The following LGALS2 variants were observed in gnomAD, a reference collection of about 807,000 sequenced individuals.
The protein encoded by LGALS2 is galectin-2.
Under a neutral mutation model 10.1 loss-of-function variants are expected in LGALS2, and 7 were observed. The observed-to-expected ratio is 0.70, with a 90% CI of 0.40 to 1.31. The LOEUF is 1.31. Among genes scored for constraint, LGALS2 ranks in the 50% most tolerant of loss-of-function variants. The pLI, the probability that LGALS2 is intolerant of heterozygous loss-of-function variation, is 0.01. For missense variants in LGALS2, 167 were observed against 163.6 expected (o/e 1.02, Z -0.11); for synonymous variants, 86 against 64.2 (o/e 1.34, Z -1.63).
At position 37,572,893 on chromosome 22, in the gene LGALS2, T is replaced by C. The variant is rs574475526; in HGVS notation, c.7-962A>G. The stretch of plus-strand genomic sequence containing the variant: ...GGCTGAGGCGGGAGAATTGCTTGAA[T>C]TCTGGAAGCGGAGGTTGCCATGAGC... On this transcript the variant is annotated intron_variant, in intron 1 of 3. Transcript: ENST00000215886. Among the ~76,000 whole-genome samples, 43 of 147,100 alleles carry C rather than the reference T, an allele frequency of 2.9e-4. No individual in the cohort carries two copies. In the East Asian group the frequency reaches 7.9e-3, roughly 27 times the overall value.
intron 1 of LGALS2, chr22:37,578,733 T>G (rs764544553): frequency 1.7e-4 from 26 of 152,178 alleles, no homozygotes; most frequent in Non-Finnish European, 3.4e-4. Context: ...GCGGATCACC[T>G]GAGGTCAGGA....
At chr22:37,571,644 A>T (rs1925500850) in intron 2 of LGALS2, among the ~76,000 whole-genome samples, 2 of 152,206 alleles carry the variant, frequency 1.3e-5, no homozygotes, top group Admixed American at 1.3e-4. Context: ...AGCATATGGC[A>T]TCAACTCTGA....
chr22:37,577,655 A>G (rs1925730488), intron 1 of LGALS2, among the ~76,000 whole-genome samples: 1 of 152,100 alleles, frequency 6.6e-6, no homozygotes, highest in South Asian at 2.1e-4. Context: ...CTGGGATTAC[A>G]GGGGTGAGCC....
chr22:37,572,127 C>A (rs1023489779), intron 1 of LGALS2, among the ~76,000 whole-genome samples, 196 bp from the exon 2 acceptor site: 2 of 152,204 alleles, frequency 1.3e-5, no homozygotes, highest in African/African-American at 4.8e-5. Flanking sequence ...AGCTTCCCCA[C>A]TCCCTGCCCT....
At chr22:37,577,477 G>A (rs1351882196) in intron 1 of LGALS2, among the ~76,000 whole-genome samples, 1 of 151,098 alleles carries the variant, frequency 6.6e-6, no homozygotes, top group Non-Finnish European at 1.5e-5. Flanking sequence ...AGCCTCCCAA[G>A]TAGCTGGGAT....
intron 1 of LGALS2, among the ~76,000 whole-genome samples, chr22:37,573,824 A>G (rs531639084): frequency 1.3e-5 from 2 of 151,554 alleles, no homozygotes; most frequent in Admixed American, 1.3e-4. Context: ...TCCACCTCTC[A>G]GGTTCAAGCG....
At chr22:37,571,976 C>G (rs376283445) in intron 1 of LGALS2, 45 bp from the exon 2 acceptor site, 1 of 1,497,634 alleles carries the variant, frequency 6.7e-7, no homozygotes, top group South Asian at 1.1e-5. Flanking sequence ...CACAGAAAAT[C>G]AATCCCACAC....
At chr22:37,579,766 C>A in intron 1 of LGALS2, 134 bp downstream of exon 1, 2 of 923,196 alleles carry the variant, frequency 2.2e-6, no homozygotes, top group Non-Finnish European at 3.2e-6. Context: ...AGACCTCTGT[C>A]CAACTTCTTT....
chr22:37,579,893 T>A lies in LGALS2; in HGVS notation c.6+7A>T. The A allele has an allele frequency of 6.2e-7, 1 of 1,610,010 alleles. No individual in the cohort carries two copies. Among genetic ancestry groups the A allele is most frequent in the Non-Finnish European group, 8.5e-7 (1 of 1,178,806 alleles). ...TGGGGCAGGCAGCAGGGGGCTAGTG[T>A]CCTCACCGTCATGGTGACAGCTCCT... is the stretch of plus-strand genomic sequence containing the variant. On this transcript the variant is annotated splice_region_variant and intron_variant, in intron 1 of 3. Transcript: ENST00000215886.
At chr22:37,575,448 G>C (rs1925644776) in intron 1 of LGALS2, among the ~76,000 whole-genome samples, 2 of 151,320 alleles carry the variant, frequency 1.3e-5, no homozygotes, top group African/African-American at 4.9e-5. Flanking sequence ...CCCTCAAGTG[G>C]TCCTCCTGCC....
intron 1 of LGALS2, 31 bp downstream of exon 1, chr22:37,579,869 G>A (rs1035246860): frequency 1.2e-6 from 2 of 1,604,792 alleles, no homozygotes; most frequent in African/African-American, 1.3e-5. Flanking sequence ...TGAACAGAGT[G>A]GGGCAGGCAG....
At chr22:37,570,921 A>G (rs1159636162) in intron 2 of LGALS2, among the ~76,000 whole-genome samples, 186 bp from the exon 3 acceptor site, 3 of 152,226 alleles carry the variant, frequency 2.0e-5, no homozygotes, top group African/African-American at 7.2e-5. Context: ...TTCCATTTGG[A>G]GCAGGGATCA....
chr22:37,577,623 C>T (rs140692606), intron 1 of LGALS2, among the ~76,000 whole-genome samples: 16 of 151,912 alleles, frequency 1.1e-4, no homozygotes, highest in African/African-American at 3.4e-4. Flanking sequence ...AAGTGATCCG[C>T]CTGCCTCGGC....
rs1036096330 is a variant in LGALS2, at chr22:37,570,869, G to A, written c.90-134C>T. 30 of 966,402 alleles carry A rather than the reference G, an allele frequency of 3.1e-5. No homozygotes were observed. In the Admixed American group the frequency reaches 5.8e-4, roughly 19 times the overall value. The allele number at this position is 966,402 out of a possible 1,614,324, so 59.9% of individuals were successfully genotyped here. A position where few individuals can be genotyped will look rare whatever the true frequency, so the allele number is the denominator to read the frequency against. ...AGTTGAGATCTGTGCCTTAAAACAA[G>A]GGAGGTAACAACCTGCTCAGACTTA... is the stretch of plus-strand genomic sequence containing the variant. On this transcript the variant is annotated intron_variant, in intron 2 of 3. Transcript: ENST00000215886.
At chr22:37,572,317 G>T (rs760935938) in intron 1 of LGALS2, among the ~76,000 whole-genome samples, 1 of 152,186 alleles carries the variant, frequency 6.6e-6, no homozygotes, top group African/African-American at 2.4e-5. Context: ...TGTATCAGAG[G>T]CACAAGATCT....
rs1925802871 is a variant in LGALS2 at position 37,579,995 on chromosome 22, T to C, written c.-90A>G. On this transcript the variant is annotated 5_prime_UTR_variant, in exon 1 of 4. Transcript: ENST00000215886. Reference sequence around the variant, plus strand: ...TGGTCAAGCTTATATCCTAGAATATTACACATTAACTCCCTCAAGGTCCTA... The same window carrying C: ...TGGTCAAGCTTATATCCTAGAATATCACACATTAACTCCCTCAAGGTCCTA... 2 of 1,422,200 alleles carry C rather than the reference T, an allele frequency of 1.4e-6. No homozygotes were observed. The highest frequency in any genetic ancestry group is 1.2e-5 in the South Asian group (1 of 83,616). 88.1% of individuals were successfully genotyped at this position (1,422,200 alleles called of 1,614,324 possible). A position where few individuals can be genotyped will look rare whatever the true frequency, so the allele number is the denominator to read the frequency against.
At chr22:37,571,789 C>A in intron 2 of LGALS2, 60 bp downstream of exon 2, 1 of 1,398,754 alleles carries the variant, frequency 7.1e-7, no homozygotes, top group Non-Finnish European at 1.0e-6. Context: ...GCCCTGCCTG[C>A]CCCACCCGCC....
chr22:37,579,880 C>A lies in LGALS2; in HGVS notation c.6+20G>T, dbSNP rs1464685059. 1.2e-6 allele frequency: 2 copies of A among 1,607,898 alleles called. No homozygotes were observed. The highest frequency in any genetic ancestry group is 2.7e-5 in the African/African-American group (2 of 74,910). On this transcript the variant is annotated intron_variant, in intron 1 of 3. Coordinates refer to ENST00000215886, the MANE Select transcript of LGALS2 (RefSeq NM_006498.3). ...AAGATGAACAGAGTGGGGCAGGCAG[C>A]AGGGGGCTAGTGTCCTCACCGTCAT...
intron 1 of LGALS2, among the ~76,000 whole-genome samples, chr22:37,576,451 CAAAAA>C (rs55951617): frequency 2.3e-4 from 25 of 108,300 alleles, no homozygotes; most frequent in Non-Finnish European, 3.4e-4. Context: ...GACTCCGTCT[CAAAAA>C]AAAAAAAAAA....
Sources: allele counts gnomAD v4.1 joint callset (sites outside exome capture counted in the v4.1 genomes callset), GRCh38; gene constraint gnomAD v4.1.1; transcripts MANE v1.5; gene names NCBI Gene and HGNC (gene_info 2026-07-23, HGNC 2026-07-21).